Variants in CUL1 observed in about 807,000 individuals in gnomAD.
The protein encoded by CUL1 is cullin 1, also known as cullin-1.
In CUL1, 24 loss-of-function variants were observed where a neutral mutation model predicts 118.0. That is an observed-to-expected ratio of 0.20 (90% confidence interval 0.15 to 0.29). CUL1 has a LOEUF of 0.29. Ranked by LOEUF, CUL1 falls within the 10% of genes least tolerant of loss-of-function variation. The pLI, the probability that CUL1 is intolerant of heterozygous loss-of-function variation, is 1.00. For synonymous variants in CUL1, 332 were observed against 340.4 expected (o/e 0.98, Z 0.27); for missense variants, 361 against 933.8 (o/e 0.39, Z 7.99).
At chr7:148,765,209 A>G (rs1327474089) in intron 7 of CUL1, among the ~76,000 whole-genome samples, 1 of 152,198 alleles carries the variant, frequency 6.6e-6, no homozygotes, top group Non-Finnish European at 1.5e-5. Context: ...CAGTTGTCCC[A>G]TTATTATTAG....
At chr7:148,767,971 A>AT (rs890234223) in intron 9 of CUL1, among the ~76,000 whole-genome samples, 98 of 149,830 alleles carry the variant, frequency 6.5e-4, no homozygotes, top group Non-Finnish European at 1.1e-3. Context: ...TAATAATGTT[A>AT]TTTTTTTTTT....
intron 17 of CUL1, among the ~76,000 whole-genome samples, chr7:148,796,511 A>C (rs6946300): frequency 3.3e-5 from 5 of 152,136 alleles, no homozygotes; most frequent in Non-Finnish European, 7.4e-5. Context: ...CTATTTTGTA[A>C]TCATTCTTCG....
intron 9 of CUL1, among the ~76,000 whole-genome samples, chr7:148,782,403 T>G (rs1434313176): frequency 6.6e-6 from 1 of 152,264 alleles, no homozygotes; most frequent in African/African-American, 2.4e-5. Context: ...CAAGGCTATC[T>G]GGTAGTGCAG....
At chr7:148,762,984 T>C (rs2129460609) in intron 7 of CUL1, among the ~76,000 whole-genome samples, 1 of 152,162 alleles carries the variant, frequency 6.6e-6, no homozygotes, top group African/African-American at 2.4e-5. Flanking sequence ...CTCTCTCTAA[T>C]AAAAATACAA....
chr7:148,719,746 G>A lies in CUL1; in HGVS notation c.-161-10216G>A, dbSNP rs374212359. On this transcript the variant is annotated intron_variant, in intron 1 of 21. Transcript: ENST00000325222. ...AAATAAAAGGCAAGCTCATGAATTC[G>A]CTAGTTCTTCCCTGAACTATTCGTT... Among the ~76,000 whole-genome samples, 4 of 152,142 alleles carry A rather than the reference G, an allele frequency of 2.6e-5. No homozygotes were observed. The South Asian group carries it at 6.2e-4, about 24-fold the overall frequency.
At chr7:148,761,807 T>C (rs1318135009) in intron 7 of CUL1, among the ~76,000 whole-genome samples, 4 of 152,216 alleles carry the variant, frequency 2.6e-5, no homozygotes, top group Non-Finnish European at 1.5e-5. Context: ...CTAGCTGTAC[T>C]AGGACAATGG....
intron 1 of CUL1, among the ~76,000 whole-genome samples, chr7:148,728,441 T>G (rs912509621): frequency 6.6e-6 from 1 of 152,092 alleles, no homozygotes; most frequent in Non-Finnish European, 1.5e-5. Flanking sequence ...GTAGGGTAGG[T>G]CCAAACAGTT....
intron 2 of CUL1, among the ~76,000 whole-genome samples, chr7:148,736,882 C>T (rs570485526): frequency 2.6e-5 from 4 of 152,324 alleles, no homozygotes; most frequent in African/African-American, 9.6e-5. Context: ...TCAGCACATG[C>T]TCCTGCTTTT....
At chr7:148,738,530 C>T (rs146249510) in intron 2 of CUL1, among the ~76,000 whole-genome samples, 13 of 152,290 alleles carry the variant, frequency 8.5e-5, no homozygotes, top group African/African-American at 2.6e-4. Flanking sequence ...CACCTGCCTG[C>T]GGAGGAGGCC....
At chr7:148,722,449 T>G (rs1201236518) in intron 1 of CUL1, among the ~76,000 whole-genome samples, 1 of 152,174 alleles carries the variant, frequency 6.6e-6, no homozygotes, top group East Asian at 1.9e-4. Context: ...TGCTCTTCCA[T>G]AAAGACCAAG....
At chr7:148,699,118 T>C (rs1211979715) in intron 1 of CUL1, 89 bp downstream of exon 1, 1 of 152,430 alleles carries the variant, frequency 6.6e-6, no homozygotes, top group Non-Finnish European at 1.5e-5. Context: ...TCGCAGTGAC[T>C]CGGGCCGCGA....
intron 2 of CUL1, among the ~76,000 whole-genome samples, chr7:148,741,993 A>G (rs771156511): frequency 6.6e-6 from 1 of 152,200 alleles, no homozygotes; most frequent in Non-Finnish European, 1.5e-5. Context: ...TCATGAGTTT[A>G]TTACTGTCAT....
intron 2 of CUL1, among the ~76,000 whole-genome samples, chr7:148,752,690 C>T (rs1424791887): frequency 6.6e-6 from 1 of 152,104 alleles, no homozygotes; most frequent in Non-Finnish European, 1.5e-5. Context: ...GCTCTGTCGC[C>T]CAGGCTGGAG....
At chr7:148,776,307 CTTTTTTTT>C (rs746777462) in intron 9 of CUL1, among the ~76,000 whole-genome samples, 42 of 40,686 alleles carry the variant, frequency 1.0e-3, no homozygotes, top group East Asian at 6.4e-3. Flanking sequence ...CATAACCAGG[CTTTTTTTT>C]TTTTTTTTTT....
intron 16 of CUL1, among the ~76,000 whole-genome samples, chr7:148,790,737 T>G (rs1800973286): frequency 6.6e-6 from 1 of 152,180 alleles, no homozygotes; most frequent in South Asian, 2.1e-4. Context: ...TAGTAAGTGT[T>G]TGGCACCGCT....
At chr7:148,777,620 A>C (rs1233074947) in intron 9 of CUL1, among the ~76,000 whole-genome samples, 1 of 152,154 alleles carries the variant, frequency 6.6e-6, no homozygotes, top group African/African-American at 2.4e-5. Context: ...ATGCGTAGTA[A>C]AGGGAAGACT....
intron 2 of CUL1, among the ~76,000 whole-genome samples, chr7:148,753,173 T>C (rs1799546807): frequency 6.6e-6 from 1 of 152,184 alleles, no homozygotes; most frequent in Admixed American, 6.5e-5. Flanking sequence ...TCTTGAAGTA[T>C]CTTTATATAG....
chr7:148,715,978 CTT>C (rs1478155884), intron 1 of CUL1, among the ~76,000 whole-genome samples: 6 of 152,092 alleles, frequency 3.9e-5, no homozygotes, highest in African/African-American at 1.2e-4. Context: ...TATAAATACA[CTT>C]ATATGTCTGG....
At chr7:148,708,449 G>T (rs551733252) in intron 1 of CUL1, among the ~76,000 whole-genome samples, 11 of 152,208 alleles carry the variant, frequency 7.2e-5, no homozygotes, top group African/African-American at 2.6e-4. Context: ...CTTCCTCTTT[G>T]GCCCCGCTGT....
Sources: gnomAD v4.1 joint callset for allele counts (sites outside exome capture counted in the v4.1 genomes callset) on GRCh38, gnomAD v4.1.1 for gene constraint, MANE v1.5 for transcripts, NCBI Gene and HGNC (gene_info 2026-07-23, HGNC 2026-07-21) for gene names.